AADACL2: variants seen among roughly 807,000 people sequenced by gnomAD.
The protein encoded by AADACL2 is arylacetamide deacetylase like 2, also known as arylacetamide deacetylase-like 2.
Under a neutral mutation model 22.3 loss-of-function variants are expected in AADACL2, and 23 were observed. The observed-to-expected ratio is 1.03, with a 90% CI of 0.74 to 1.46. The LOEUF is 1.46. AADACL2 is among the 40% of genes most tolerant of loss of function. AADACL2 has a pLI of 0.00. For missense variants in AADACL2, 472 were observed against 482.9 expected, an observed-to-expected ratio of 0.98 and a Z score of 0.21; for synonymous variants, 177 against 166.2, an observed-to-expected ratio of 1.07 and a Z score of -0.50.
chr3:151,746,772 A>T (rs573532160), intron 4 of AADACL2, among the ~76,000 whole-genome samples: 1 of 152,270 alleles, frequency 6.6e-6, no homozygotes, highest in South Asian at 2.1e-4. Context: ...AATTATGCTT[A>T]CATTCTAGGC....
At chr3:151,743,230 G>A (rs1478235562) in intron 2 of AADACL2, among the ~76,000 whole-genome samples, 2 of 152,124 alleles carry the variant, frequency 1.3e-5, no homozygotes, top group Non-Finnish European at 2.9e-5. Context: ...TACACCCTGT[G>A]GTTAGTTTTC....
intron 4 of AADACL2, among the ~76,000 whole-genome samples, chr3:151,756,594 CTTTA>C (rs1372782945): frequency 2.0e-5 from 3 of 151,790 alleles, no homozygotes; most frequent in Non-Finnish European, 4.4e-5. Flanking sequence ...ACTCTGGTTA[CTTTA>C]TTTAAGAAGG....
In AADACL2 at chr3:151,757,039, A is replaced by C. The variant is rs762443164; in HGVS notation, c.651A>C (p.Leu217Phe). ...AACATAAAATCAAGATGCAAGTCTT[A>C]CTTTACCCTGGCTTACAGATAACAG... ...EIKHKIKMQVLLYPGLQITDS... is the reference protein window; with the variant it reads ...EIKHKIKMQVFLYPGLQITDS... The change falls in exon 5 of 5, where the codon TTA (leucine) becomes TTC (phenylalanine). Residue 217 changes from leucine to phenylalanine, a missense_variant. Coordinates refer to ENST00000356517, the MANE Select transcript of AADACL2 (RefSeq NM_207365.4). 3 of 1,611,788 alleles carry C rather than the reference A, an allele frequency of 1.9e-6. No individual in the cohort carries two copies. Among genetic ancestry groups the C allele is most frequent in the East Asian group, 2.2e-5 (1 of 44,866 alleles).
intron 1 of AADACL2, among the ~76,000 whole-genome samples, chr3:151,740,135 T>C (rs1201641323): frequency 2.0e-5 from 3 of 152,206 alleles, no homozygotes; most frequent in Admixed American, 2.0e-4. Flanking sequence ...AGGGCCCTGC[T>C]GTAGGCACAT....
At chr3:151,751,772 A>T (rs75797297) in intron 4 of AADACL2, among the ~76,000 whole-genome samples, 7,228 of 152,276 alleles carry the variant, frequency 0.047, 578 homozygotes, top group African/African-American at 0.16. Flanking sequence ...ACCCTACCTT[A>T]TAACTTTTCA....
At chr3:151,737,700 C>T (rs1030035137) in intron 1 of AADACL2, among the ~76,000 whole-genome samples, 1 of 152,122 alleles carries the variant, frequency 6.6e-6, no homozygotes, top group Non-Finnish European at 1.5e-5. Flanking sequence ...GCCTTGGTAC[C>T]TTTACCATTG....
chr3:151,744,079 T>C lies in AADACL2; in HGVS notation c.362-14T>C, dbSNP rs1713361580. 6.2e-7 allele frequency: 1 copy of C among 1,612,294 alleles called. No individual in the cohort carries two copies. The highest frequency in any genetic ancestry group is 1.1e-5 in the South Asian group (1 of 90,838). On this transcript the variant is annotated splice_polypyrimidine_tract_variant and intron_variant, in intron 2 of 4. Transcript: ENST00000356517. ...ATTACAGGAAATACTTTGATGTTTA[T>C]TTCTTCATTTCAGAACAGAGGGCTT...
chr3:151,744,029 C>A, intron 2 of AADACL2, 64 bp from the exon 3 acceptor site: 1 of 1,519,686 alleles, frequency 6.6e-7, no homozygotes, highest in Non-Finnish European at 9.1e-7. Context: ...ACATTCATAT[C>A]TGTAACTGTT....
intron 4 of AADACL2, among the ~76,000 whole-genome samples, chr3:151,752,441 T>C (rs753389590): frequency 3.9e-5 from 6 of 152,214 alleles, no homozygotes; most frequent in Non-Finnish European, 7.3e-5. Flanking sequence ...ATTTAACCTA[T>C]TATTGCTAGA....
In AADACL2 at chr3:151,757,197, T is replaced by G; in HGVS notation, c.809T>G (p.Met270Arg). ...TGGGCAATGAGAAGAAACCAACACA[T>G]GCCTCTGGAGTCAAGACATCTGTTT... ...LPWAMRRNQH[M>R]PLESRHLFKF... Residue 270 changes from methionine to arginine, a missense_variant, in exon 5 of 5, where the codon ATG (methionine) becomes AGG (arginine). By Grantham distance (91) the Met-to-Arg change is moderately conservative. Coordinates refer to ENST00000356517, the MANE Select transcript of AADACL2 (RefSeq NM_207365.4). 6.2e-7 allele frequency: 1 copy of G among 1,613,706 alleles called. No individual in the cohort carries two copies. Among genetic ancestry groups the G allele is most frequent in the South Asian group, 1.1e-5 (1 of 91,054 alleles).
At position 151,757,652 on chromosome 3, in the gene AADACL2, G is replaced by T; in HGVS notation, c.*58G>T. The T allele has an allele frequency of 6.6e-7, 1 of 1,515,424 alleles. No individual in the cohort carries two copies. The allele number at this position is 1,515,424 out of a possible 1,614,324, so 93.9% of individuals were successfully genotyped here. A position where few individuals can be genotyped will look rare whatever the true frequency, so the allele number is the denominator to read the frequency against. ...TGGATTGTAATTTGTGATATTTTGTGGTTTTGGAGCAAAGAACAATGTCAT... is the reference window on the plus strand; with the variant it reads ...TGGATTGTAATTTGTGATATTTTGTTGTTTTGGAGCAAAGAACAATGTCAT... On this transcript the variant is annotated 3_prime_UTR_variant, in exon 5 of 5. Coordinates refer to ENST00000356517, the MANE Select transcript of AADACL2 (RefSeq NM_207365.4).
At chr3:151,747,470 C>T (rs1713491798) in intron 4 of AADACL2, among the ~76,000 whole-genome samples, 1 of 152,062 alleles carries the variant, frequency 6.6e-6, no homozygotes, top group African/African-American at 2.4e-5. Context: ...AGGGGTTTAA[C>T]TTTCTTAGGT....
At chr3:151,754,827 A>G (rs541458113) in intron 4 of AADACL2, among the ~76,000 whole-genome samples, 12 of 152,154 alleles carry the variant, frequency 7.9e-5, no homozygotes, top group African/African-American at 2.9e-4. Context: ...TAACATCCTG[A>G]GATGAATGTC....
At chr3:151,743,061 G>A (rs1002906348) in intron 2 of AADACL2, among the ~76,000 whole-genome samples, 10 of 151,704 alleles carry the variant, frequency 6.6e-5, no homozygotes, top group Admixed American at 1.3e-4. Context: ...ATGCTCTTTC[G>A]TTAACAAGGT....
chr3:151,747,308 C>A (rs1163647891), intron 4 of AADACL2, among the ~76,000 whole-genome samples: 1 of 152,036 alleles, frequency 6.6e-6, no homozygotes, highest in Non-Finnish European at 1.5e-5. Flanking sequence ...TAACTATAGT[C>A]ACCGCACTTA....
chr3:151,757,553 A>G lies in AADACL2; in HGVS notation c.1165A>G (p.Ile389Val), dbSNP rs772308603. The change falls in exon 5 of 5, where the codon ATA becomes GTA. Residue 389 changes from isoleucine (I) to valine (V), a missense_variant. This residue lies in a region of AADACL2 where 113 missense variants were observed against 100.9 expected (regional missense o/e 1.12). Coordinates refer to ENST00000356517, the MANE Select transcript of AADACL2 (RefSeq NM_207365.4). ...SPFYLRLGLR[I>V]RDMYVSWLDK... Reference sequence around the variant, plus strand: ...ATTTTATTTACGTCTAGGTCTTAGGATAAGAGATATGTATGTAAGTTGGCT... The same window carrying G: ...ATTTTATTTACGTCTAGGTCTTAGGGTAAGAGATATGTATGTAAGTTGGCT... The G allele has an allele frequency of 1.9e-6, 3 of 1,612,658 alleles. No homozygotes were observed. In the East Asian group the frequency reaches 6.7e-5, roughly 36 times the overall value.
At chr3:151,739,307 C>T (rs753387997) in intron 1 of AADACL2, among the ~76,000 whole-genome samples, 3 of 152,186 alleles carry the variant, frequency 2.0e-5, no homozygotes, top group Non-Finnish European at 4.4e-5. Flanking sequence ...CCCTGTTTGC[C>T]TGGGTATCAC....
intron 4 of AADACL2, among the ~76,000 whole-genome samples, chr3:151,753,613 T>G (rs1386890148): frequency 5.3e-5 from 8 of 152,152 alleles, no homozygotes; most frequent in Non-Finnish European, 1.0e-4. Context: ...GGGATAGCAA[T>G]CACAGTTTCT....
Position 151,745,591 on chromosome 3 carries a change from A to G in AADACL2, c.514A>G (p.Ile172Val), listed in dbSNP as rs1460457325. 6.2e-7 allele frequency: 1 copy of G among 1,613,784 alleles called. No homozygotes were observed. The highest frequency in any genetic ancestry group is 1.7e-5 in the Admixed American group (1 of 59,964). The stretch of plus-strand genomic sequence containing the variant: ...AGTCAAATTTTTTCTTTTGGAAAAA[A>G]TTCTTACAAAATATGGAGTGGATCC... ...AAVKFFLLEKILTKYGVDPTR... is the reference protein window; with the variant it reads ...AAVKFFLLEKVLTKYGVDPTR... The change falls in exon 4 of 5, where the codon ATT becomes GTT. Residue 172 changes from isoleucine (I) to valine (V), a missense_variant. Around this residue, in one of 3 missense-constraint regions of AADACL2, gnomAD observed 356 missense variants for 365.5 expected, o/e 0.97. Coordinates refer to ENST00000356517, the MANE Select transcript of AADACL2 (RefSeq NM_207365.4).
Sources: gnomAD v4.1 joint callset for allele counts (sites outside exome capture counted in the v4.1 genomes callset) on GRCh38, gnomAD v4.1.1 for gene constraint, gnomAD v4.1.1 regional missense constraint, MANE v1.5 for transcripts, NCBI Gene and HGNC (gene_info 2026-07-23, HGNC 2026-07-21) for gene names.